The following TDRD1 variants were observed in gnomAD, a reference collection of about 807,000 sequenced individuals.
TDRD1 encodes tudor domain-containing protein 1.
Under a neutral mutation model 140.6 loss-of-function variants are expected in TDRD1, and 37 were observed. The observed-to-expected ratio is 0.26, with a 90% CI of 0.20 to 0.35. TDRD1 has a LOEUF of 0.35. TDRD1 is among the 10% of genes least tolerant of loss of function. The pLI is 1.00. For synonymous variants in TDRD1, 506 were observed against 475.7 expected (o/e 1.06, Z -0.83); for missense variants, 1,243 against 1,393.0 (o/e 0.89, Z 1.71).
At position 114,226,851 on chromosome 10, in the gene TDRD1, C is replaced by T. The variant is rs190046336; in HGVS notation, c.3176-221C>T. Among the ~76,000 whole-genome samples the T allele has an allele frequency of 1.5e-4, 23 of 152,234 alleles. No individual in the cohort carries two copies. The East Asian group carries it at 1.9e-3, about 13-fold the overall frequency. On this transcript the variant is annotated intron_variant, in intron 22 of 25. Coordinates refer to ENST00000251864, the Ensembl canonical transcript of TDRD1. ...ATATGAAGGACAGATGTGTCTGTTTCGTGCCCTCTAGTCCAAGATTAGTGC... is the reference window on the plus strand; with the variant it reads ...ATATGAAGGACAGATGTGTCTGTTTTGTGCCCTCTAGTCCAAGATTAGTGC...
chr10:114,196,871 A>T, intron 3 of TDRD1, among the ~76,000 whole-genome samples: 1 of 78,532 alleles, frequency 1.3e-5, no homozygotes, highest in African/African-American at 5.3e-5. Context: ...TTTGAGACAG[A>T]ATTTGGCTCT....
At chr10:114,200,705 TAGAGAC>T (rs2034674907) in intron 4 of TDRD1, among the ~76,000 whole-genome samples, 4 of 152,060 alleles carry the variant, frequency 2.6e-5, no homozygotes, top group African/African-American at 4.8e-5. Context: ...TGTATTTTTG[TAGAGAC>T]GGGGTTTCAC....
intron 1 of TDRD1, among the ~76,000 whole-genome samples, chr10:114,181,349 A>T (rs573878328): frequency 2.5e-4 from 38 of 152,308 alleles, no homozygotes; most frequent in South Asian, 1.7e-3. Context: ...ATTATTTTAA[A>T]ACTGGGTGAG....
chr10:114,208,698 TTTACTTAACTACTTCTTAGTAG>T (rs1021553428), intron 11 of TDRD1, among the ~76,000 whole-genome samples: 11 of 152,290 alleles, frequency 7.2e-5, no homozygotes, highest in African/African-American at 1.7e-4. Context: ...ACTGTGGCCT[TTTACTTAACTACTTCTTAGTAG>T]TTACTTAACT....
chr10:114,205,651 A>C (rs1589686483), intron 10 of TDRD1, among the ~76,000 whole-genome samples: 4 of 152,188 alleles, frequency 2.6e-5, no homozygotes, highest in Non-Finnish European at 5.9e-5. Flanking sequence ...TCAGGATTTC[A>C]AAGTGAGATC....
At chr10:114,204,639 A>G in intron 9 of TDRD1, 83 bp from the exon 10 acceptor site, 2 of 1,356,126 alleles carry the variant, frequency 1.5e-6, no homozygotes, top group Non-Finnish European at 2.0e-6. Context: ...TCAGCATGAA[A>G]TACATTCTTT....
exon 26 of TDRD1, chr10:114,231,619 C>T (rs948444257): frequency 1.0e-6 from 1 of 966,384 alleles, no homozygotes; most frequent in South Asian, 1.8e-5. Context: ...TAATGACCTT[C>T]TATCCCTCCG....
At chr10:114,221,964 A>G (rs2036171162) in intron 20 of TDRD1, among the ~76,000 whole-genome samples, 1 of 152,366 alleles carries the variant, frequency 6.6e-6, no homozygotes, top group African/African-American at 2.4e-5. Flanking sequence ...TCTTAAATGT[A>G]TATGACTTTA....
At chr10:114,195,027 T>A (rs2034249515) in intron 3 of TDRD1, among the ~76,000 whole-genome samples, 1 of 152,072 alleles carries the variant, frequency 6.6e-6, no homozygotes, top group South Asian at 2.1e-4. Flanking sequence ...CCCAAATTGC[T>A]GGGATTACAG....
At chr10:114,203,279 T>C in intron 7 of TDRD1, 103 bp downstream of exon 7, 1 of 1,486,912 alleles carries the variant, frequency 6.7e-7, no homozygotes. Context: ...ACATAAACAT[T>C]GCAAAAACTG....
At chr10:114,228,674 A>G (rs763577655) in intron 25 of TDRD1, 1 of 985,434 alleles carries the variant, frequency 1.0e-6, no homozygotes, top group Non-Finnish European at 1.2e-6. Context: ...TAAAGAACAT[A>G]CTGGTGAGTT....
exon 15 of TDRD1, chr10:114,213,526 G>T: frequency 6.2e-7 from 1 of 1,613,806 alleles, no homozygotes; most frequent in Non-Finnish European, 8.5e-7. Flanking sequence ...CTAGATGCAG[G>T]CTTTGCTGTG....
chr10:114,208,613 T>C (rs2035279457), intron 11 of TDRD1, among the ~76,000 whole-genome samples: 1 of 152,152 alleles, frequency 6.6e-6, no homozygotes, highest in Non-Finnish European at 1.5e-5. Flanking sequence ...CACCCTCTTG[T>C]GCTATTTATG....
chr10:114,203,021 T>A (rs368545965), intron 6 of TDRD1, 51 bp from the exon 7 acceptor site: 1 of 1,253,322 alleles, frequency 8.0e-7, no homozygotes, highest in Non-Finnish European at 1.2e-6. Context: ...CATAGAATCA[T>A]TGAAACATGT....
chr10:114,191,076 A>C, intron 3 of TDRD1, 57 bp downstream of exon 3: 1 of 1,537,352 alleles, frequency 6.5e-7, no homozygotes, highest in Non-Finnish European at 8.9e-7. Context: ...AACATGTTTT[A>C]TTTATTTAAT....
chr10:114,219,241 G>C (rs536322253), intron 18 of TDRD1, among the ~76,000 whole-genome samples: 1 of 152,178 alleles, frequency 6.6e-6, no homozygotes, highest in African/African-American at 2.4e-5. Flanking sequence ...GCTGCTTGCT[G>C]TCTATGAGAC....
intron 3 of TDRD1, among the ~76,000 whole-genome samples, chr10:114,197,573 ATTTG>A (rs902015912): frequency 1.4e-5 from 2 of 138,374 alleles, no homozygotes; most frequent in African/African-American, 5.4e-5. Context: ...TTTTTCCGGC[ATTTG>A]TTTGTGATCT....
intron 11 of TDRD1, 23 bp downstream of exon 11, chr10:114,206,353 C>T (rs770154514): frequency 1.4e-5 from 22 of 1,587,920 alleles, no homozygotes; most frequent in Admixed American, 5.0e-5. Context: ...TGATATTGAA[C>T]GGTATAGCGA....
rs367565116 is a variant in TDRD1 at position 114,188,095 on chromosome 10, C to G, written c.264C>G (p.Asn88Lys). Residue 88 changes from asparagine (N) to lysine (K), a missense_variant, in exon 2 of 26, where the codon AAC becomes AAG. Asn to Lys is a moderately conservative substitution (Grantham distance 94, BLOSUM62 0). Around this residue, in one of 5 missense-constraint regions of TDRD1, gnomAD observed 237 missense variants for 215.5 expected, o/e 1.10. Coordinates refer to ENST00000251864, the Ensembl canonical transcript of TDRD1. ...AGGAAGACAATTCAGTTTCTTCAAACCCGAATGGCATCAACGGAGAAGTAG... is the reference window on the plus strand; with the variant it reads ...AGGAAGACAATTCAGTTTCTTCAAAGCCGAATGGCATCAACGGAGAAGTAG... The G allele has an allele frequency of 8.7e-6, 14 of 1,612,234 alleles. No homozygotes were observed. The highest frequency in any genetic ancestry group is 1.2e-5 in the Non-Finnish European group (14 of 1,179,100).
Sources: allele counts gnomAD v4.1 joint callset (sites outside exome capture counted in the v4.1 genomes callset), GRCh38; gene constraint gnomAD v4.1.1; regional missense constraint gnomAD v4.1.1; transcripts MANE v1.5; gene names NCBI Gene and HGNC (gene_info 2026-07-23, HGNC 2026-07-21).